IQCJ: variants seen among roughly 807,000 people sequenced by gnomAD.
IQCJ encodes IQ domain-containing protein J.
IQCJ carries 9 observed loss-of-function variants against 11.0 expected under a neutral mutation model. That is an observed-to-expected ratio of 0.82 (90% CI 0.49 to 1.43). The LOEUF (loss-of-function observed/expected upper bound fraction) is 1.43, where lower values mean the gene tolerates loss of function less well. IQCJ is among the 40% of genes most tolerant of loss of function. The pLI, the probability that IQCJ is intolerant of heterozygous loss-of-function variation, is 0.00. For synonymous variants in IQCJ, 55 were observed against 51.3 expected (o/e 1.07, Z -0.31); for missense variants, 146 against 133.2 (o/e 1.10, Z -0.47).
At chr3:159,123,403 C>T (rs904025979) in intron 1 of IQCJ, among the ~76,000 whole-genome samples, 1 of 152,104 alleles carries the variant, frequency 6.6e-6, no homozygotes, top group East Asian at 1.9e-4. Flanking sequence ...TTAGAAACCT[C>T]GCTGCAGATG....
intron 1 of IQCJ, among the ~76,000 whole-genome samples, chr3:159,140,603 A>T (rs1415114022): frequency 6.6e-6 from 1 of 152,216 alleles, no homozygotes; most frequent in African/African-American, 2.4e-5. Context: ...ACAGAGTGTG[A>T]CACAGAGGCA....
chr3:159,202,185 A>T (rs1489026322), intron 1 of IQCJ, among the ~76,000 whole-genome samples: 1 of 152,158 alleles, frequency 6.6e-6, no homozygotes, highest in East Asian at 1.9e-4. Flanking sequence ...ATCCATTTGT[A>T]ACTTTAAAGG....
intron 1 of IQCJ, among the ~76,000 whole-genome samples, chr3:159,128,787 C>T (rs1455298623): frequency 6.6e-6 from 1 of 151,950 alleles, no homozygotes; most frequent in Non-Finnish European, 1.5e-5. Flanking sequence ...TGAGAACAAA[C>T]TTCTCCTTCA....
intron 1 of IQCJ, among the ~76,000 whole-genome samples, chr3:159,244,770 C>G (rs1376802135): frequency 6.6e-6 from 1 of 152,058 alleles, no homozygotes; most frequent in Non-Finnish European, 1.5e-5. Context: ...ATCTAGGAGA[C>G]TTGGGTGTCT....
At chr3:159,092,249 C>T (rs963014581) in intron 1 of IQCJ, among the ~76,000 whole-genome samples, 4 of 151,900 alleles carry the variant, frequency 2.6e-5, no homozygotes, top group Admixed American at 6.5e-5. Context: ...TACAGTCAGA[C>T]AAATCCAGAA....
intron 1 of IQCJ, among the ~76,000 whole-genome samples, chr3:159,108,021 A>AG (rs1553776509): frequency 1.2e-4 from 18 of 151,466 alleles, no homozygotes; most frequent in Middle Eastern, 3.4e-3. Flanking sequence ...AAAAAAAAAA[A>AG]AAAAGAAAAA....
chr3:159,069,322 C>T lies in IQCJ; in HGVS notation c.-111C>T. On this transcript the variant is annotated 5_prime_UTR_variant, in exon 1 of 4. Transcript: ENST00000397832. Reference sequence around the variant, plus strand: ...CAACTCAAAGGTTTCCAGCCTCACACTCGCCTCACATTCCCCCACAGTCAC... The same window carrying T: ...CAACTCAAAGGTTTCCAGCCTCACATTCGCCTCACATTCCCCCACAGTCAC... 7.0e-7 allele frequency: 1 copy of T among 1,431,352 alleles called. No homozygotes were observed. Among genetic ancestry groups the T allele is most frequent in the South Asian group, 1.7e-5 (1 of 58,750 alleles). 88.7% of individuals were successfully genotyped at this position (1,431,352 alleles called of 1,614,324 possible).
At chr3:159,126,376 A>G (rs1719678860) in intron 1 of IQCJ, among the ~76,000 whole-genome samples, 1 of 152,214 alleles carries the variant, frequency 6.6e-6, no homozygotes, top group Non-Finnish European at 1.5e-5. Flanking sequence ...AATGCTAAGT[A>G]AGAGTTAGTT....
chr3:159,105,261 C>G (rs1718180650), intron 1 of IQCJ, among the ~76,000 whole-genome samples: 1 of 152,196 alleles, frequency 6.6e-6, no homozygotes, highest in Non-Finnish European at 1.5e-5. Flanking sequence ...ATTTTAGACT[C>G]AGAAGCCTTT....
chr3:159,193,752 G>T (rs1723820917), intron 1 of IQCJ, among the ~76,000 whole-genome samples: 1 of 152,192 alleles, frequency 6.6e-6, no homozygotes. Flanking sequence ...CTTCTCAAGG[G>T]ATAGTGCCAT....
chr3:159,207,351 CTG>C (rs1310625744), intron 1 of IQCJ, among the ~76,000 whole-genome samples: 1 of 152,178 alleles, frequency 6.6e-6, no homozygotes, highest in Non-Finnish European at 1.5e-5. Context: ...TCATGAAAAA[CTG>C]TAGAAAAAGG....
chr3:159,158,898 G>C (rs1721682270), intron 1 of IQCJ, among the ~76,000 whole-genome samples: 1 of 152,140 alleles, frequency 6.6e-6, no homozygotes, highest in African/African-American at 2.4e-5. Flanking sequence ...TGGTAAGATA[G>C]CAGACACAGA....
intron 1 of IQCJ, among the ~76,000 whole-genome samples, chr3:159,202,058 T>A (rs1222952181): frequency 6.6e-6 from 1 of 152,178 alleles, no homozygotes; most frequent in East Asian, 1.9e-4. Context: ...TCATTTCACT[T>A]CTTATTGGTT....
At chr3:159,163,893 C>A (rs1444914486) in intron 1 of IQCJ, among the ~76,000 whole-genome samples, 1 of 152,134 alleles carries the variant, frequency 6.6e-6, no homozygotes, top group Non-Finnish European at 1.5e-5. Context: ...AGGCCTCATT[C>A]TCTGCATATG....
chr3:159,237,062 G>T (rs758595055), intron 1 of IQCJ, among the ~76,000 whole-genome samples: 1 of 152,200 alleles, frequency 6.6e-6, no homozygotes, highest in Non-Finnish European at 1.5e-5. Context: ...GTAAATTGCA[G>T]ATTGTTTTCA....
At chr3:159,111,305 A>G (rs1718614764) in intron 1 of IQCJ, among the ~76,000 whole-genome samples, 1 of 151,346 alleles carries the variant, frequency 6.6e-6, no homozygotes, top group African/African-American at 2.4e-5. Flanking sequence ...TCCAGTAAAA[A>G]CTCTTTTGTC....
chr3:159,191,550 G>A (rs1291589191), intron 1 of IQCJ, among the ~76,000 whole-genome samples: 1 of 152,144 alleles, frequency 6.6e-6, no homozygotes, highest in African/African-American at 2.4e-5. Context: ...TGAAGTGGGC[G>A]ATGGGATTTA....
chr3:159,195,724 A>G (rs1212683289), intron 1 of IQCJ, among the ~76,000 whole-genome samples: 1 of 152,230 alleles, frequency 6.6e-6, no homozygotes, highest in Non-Finnish European at 1.5e-5. Context: ...GTTGAGCCTG[A>G]AACATAAAAG....
intron 1 of IQCJ, among the ~76,000 whole-genome samples, chr3:159,114,563 C>T (rs376149288): frequency 2.6e-5 from 4 of 151,612 alleles, no homozygotes; most frequent in African/African-American, 4.8e-5. Context: ...CACCCCCCCT[C>T]GGCCTCTCAA....
Sources: gnomAD v4.1 joint callset for allele counts (sites outside exome capture counted in the v4.1 genomes callset) on GRCh38, gnomAD v4.1.1 for gene constraint, MANE v1.5 for transcripts, NCBI Gene and HGNC (gene_info 2026-07-23, HGNC 2026-07-21) for gene names.